Variants in TRABD2B observed in about 807,000 individuals in gnomAD.
TRABD2B encodes the protein TraB domain containing 2B.
TRABD2B carries 14 observed loss-of-function variants against 40.1 expected under a neutral mutation model. The ratio of observed to expected loss-of-function variants is 0.35; its 90% CI spans 0.23 to 0.55. TRABD2B has a LOEUF of 0.55. Ranked by LOEUF, TRABD2B falls within the 20% of genes least tolerant of loss-of-function variation. The pLI is 0.90. For synonymous variants in TRABD2B, 263 were observed against 277.0 expected, an observed-to-expected ratio of 0.95 and a Z score of 0.50; for missense variants, 541 against 648.6, an observed-to-expected ratio of 0.83 and a Z score of 1.80.
At chr1:47,952,617 T>C (rs1645361878) in intron 2 of TRABD2B, among the ~76,000 whole-genome samples, 1 of 152,184 alleles carries the variant, frequency 6.6e-6, no homozygotes, top group African/African-American at 2.4e-5. Flanking sequence ...TCTCCCTCTG[T>C]CTCAGCACCT....
intron 2 of TRABD2B, among the ~76,000 whole-genome samples, chr1:47,917,353 G>A (rs1323374046): frequency 1.3e-5 from 2 of 152,172 alleles, no homozygotes; most frequent in African/African-American, 2.4e-5. Context: ...ATGGGTGGGC[G>A]TCAGGCAGCA....
At chr1:47,869,653 G>A (rs532598749) in intron 2 of TRABD2B, among the ~76,000 whole-genome samples, 1 of 152,280 alleles carries the variant, frequency 6.6e-6, no homozygotes, top group East Asian at 1.9e-4. Flanking sequence ...AAGGGAGAGG[G>A]CAGAGAGAAG....
intron 2 of TRABD2B, among the ~76,000 whole-genome samples, chr1:47,875,344 C>T (rs1384966501): frequency 2.0e-5 from 3 of 151,002 alleles, no homozygotes; most frequent in South Asian, 2.1e-4. Context: ...ATATGCTGCC[C>T]TTAAAGCTAA....
chr1:47,822,364 G>A (rs1050046359), intron 2 of TRABD2B, among the ~76,000 whole-genome samples: 1 of 152,234 alleles, frequency 6.6e-6, no homozygotes, highest in African/African-American at 2.4e-5. Context: ...AGGTTCTGGA[G>A]TGAAGTGCAG....
chr1:47,971,021 G>A (rs541804943), intron 2 of TRABD2B, among the ~76,000 whole-genome samples: 3 of 152,362 alleles, frequency 2.0e-5, no homozygotes, highest in Non-Finnish European at 2.9e-5. Flanking sequence ...GGGGAAGGAA[G>A]AGGCAGAGAG....
intron 2 of TRABD2B, among the ~76,000 whole-genome samples, chr1:47,956,577 G>A (rs550180372): frequency 7.6e-4 from 116 of 152,364 alleles, no homozygotes; most frequent in African/African-American, 2.8e-3. Context: ...CTGGCTCAGA[G>A]GGTCCCATGC....
rs1646065857 is a variant in TRABD2B, at chr1:47,994,725, G to C, written c.103-128C>G. Reference sequence around the variant, plus strand: ...GAGACCATACACAGGCCGTGGTAAAGAGCCAGGTCTTTGGAGCCTGAAAGA... The same window carrying C: ...GAGACCATACACAGGCCGTGGTAAACAGCCAGGTCTTTGGAGCCTGAAAGA... On this transcript the variant is annotated intron_variant, in intron 1 of 6. Coordinates refer to ENST00000606738, the MANE Select transcript of TRABD2B (RefSeq NM_001194986.2). This position sits in a 1 kb window ranked among gnomAD's most constrained non-coding sequence, Gnocchi z 6.7. 4 of 819,840 alleles carry C rather than the reference G, an allele frequency of 4.9e-6. No homozygotes were observed. The highest frequency in any genetic ancestry group is 7.4e-6 in the Non-Finnish European group (4 of 537,028). 50.8% of individuals were successfully genotyped at this position (819,840 alleles called of 1,614,324 possible).
chr1:47,884,267 TG>T (rs909769735), intron 2 of TRABD2B, among the ~76,000 whole-genome samples: 2 of 152,248 alleles, frequency 1.3e-5, no homozygotes, highest in Non-Finnish European at 2.9e-5. Flanking sequence ...CTGTCACTTC[TG>T]GGTGGAAGCT....
intron 2 of TRABD2B, among the ~76,000 whole-genome samples, chr1:47,857,668 G>A (rs978531007): frequency 4.6e-5 from 7 of 152,056 alleles, no homozygotes; most frequent in African/African-American, 1.4e-4. Flanking sequence ...GCTGGGCACA[G>A]AGAAGGCCTC....
rs114683379 is a variant in TRABD2B, at chr1:47,844,347, G to A, written c.667-42728C>T. Among the ~76,000 whole-genome samples, 148 of 152,316 alleles carry A rather than the reference G, an allele frequency of 9.7e-4. 1 individual carries two copies. Among genetic ancestry groups the A allele is most frequent in the African/African-American group, 3.3e-3 (137 of 41,572 alleles). On this transcript the variant is annotated intron_variant, in intron 2 of 6. Coordinates refer to ENST00000606738, the MANE Select transcript of TRABD2B (RefSeq NM_001194986.2). ...TCTTGGGGGCCACCTTCTTATACGAGGTCCATATGAGTTGGGGCCCATCCA... is the reference window on the plus strand; with the variant it reads ...TCTTGGGGGCCACCTTCTTATACGAAGTCCATATGAGTTGGGGCCCATCCA...
chr1:47,956,816 G>A (rs564707067), intron 2 of TRABD2B, among the ~76,000 whole-genome samples: 9 of 152,364 alleles, frequency 5.9e-5, no homozygotes, highest in African/African-American at 2.2e-4. Context: ...AGAAACTTCT[G>A]CAGACTTAAA....
intron 5 of TRABD2B, among the ~76,000 whole-genome samples, chr1:47,777,894 G>A (rs1367751100): frequency 6.6e-6 from 1 of 152,186 alleles, no homozygotes; most frequent in Admixed American, 6.5e-5. Flanking sequence ...CAGACTGTGG[G>A]GGTGGGGGTT....
chr1:47,944,828 GA>G (rs1645238383), intron 2 of TRABD2B, among the ~76,000 whole-genome samples: 1 of 152,186 alleles, frequency 6.6e-6, no homozygotes, highest in South Asian at 2.1e-4. Flanking sequence ...CACCAAGGAG[GA>G]AATAGCCAGC....
chr1:47,996,995 C>A lies in TRABD2B; in HGVS notation c.-206G>T. The stretch of plus-strand genomic sequence containing the variant: ...GCTCCGTCTGTTGGAAGAGGGAGAC[C>A]CTCTAGGGCTGGGCCCCTCCCCCGG... On this transcript the variant is annotated 5_prime_UTR_variant, in exon 1 of 7. Coordinates refer to ENST00000606738, the MANE Select transcript of TRABD2B (RefSeq NM_001194986.2). The surrounding 1 kb of genome is among the most constrained non-coding windows in gnomAD (Gnocchi z 4.6). The A allele has an allele frequency of 1.8e-6, 2 of 1,089,526 alleles. No homozygotes were observed. Among genetic ancestry groups the A allele is most frequent in the Non-Finnish European group, 2.2e-6 (2 of 898,468 alleles). 67.5% of individuals were successfully genotyped at this position (1,089,526 alleles called of 1,614,324 possible). A position where few individuals can be genotyped will look rare whatever the true frequency, so the allele number is the denominator to read the frequency against.
intron 2 of TRABD2B, among the ~76,000 whole-genome samples, chr1:47,943,073 A>T (rs944725964): frequency 6.6e-6 from 1 of 152,214 alleles, no homozygotes; most frequent in Non-Finnish European, 1.5e-5. Context: ...CTGAGCCTTT[A>T]GAAAAGTTTC....
At chr1:47,806,618 C>A (rs1194243531) in intron 2 of TRABD2B, among the ~76,000 whole-genome samples, 1 of 152,182 alleles carries the variant, frequency 6.6e-6, no homozygotes, top group African/African-American at 2.4e-5. Context: ...TGTGGACTCC[C>A]CTCACCAACG....
intron 2 of TRABD2B, among the ~76,000 whole-genome samples, chr1:47,839,284 C>T (rs756707714): frequency 6.6e-6 from 1 of 152,182 alleles, no homozygotes; most frequent in Non-Finnish European, 1.5e-5. Flanking sequence ...AGAGTGGGCA[C>T]GGGGACATAT....
At chr1:47,989,780 A>G (rs1480814037) in intron 2 of TRABD2B, among the ~76,000 whole-genome samples, 1 of 152,082 alleles carries the variant, frequency 6.6e-6, no homozygotes, top group East Asian at 1.9e-4. Context: ...ACACAAACAC[A>G]CACACACACA....
At chr1:47,791,949 C>T (rs1644679655) in intron 4 of TRABD2B, among the ~76,000 whole-genome samples, 1 of 152,138 alleles carries the variant, frequency 6.6e-6, no homozygotes, top group South Asian at 2.1e-4. Context: ...CATGTCCCTG[C>T]CCTCTGTGGA....
Sources: gnomAD v4.1 joint callset for allele counts (sites outside exome capture counted in the v4.1 genomes callset) on GRCh38, gnomAD v4.1.1 for gene constraint, Gnocchi (gnomAD v3.1) non-coding constraint, MANE v1.5 for transcripts, NCBI Gene and HGNC (gene_info 2026-07-23, HGNC 2026-07-21) for gene names.